CYP4X1: variants seen among roughly 807,000 people sequenced by gnomAD.
CYP4X1 encodes the protein cytochrome P450 4X1.
CYP4X1 carries 44 observed loss-of-function variants against 57.9 expected under a neutral mutation model. The ratio of observed to expected loss-of-function variants is 0.76; its 90% CI spans 0.60 to 0.98. CYP4X1 has a LOEUF of 0.98. Ranked by LOEUF, CYP4X1 falls within the 50% of genes least tolerant of loss-of-function variation. The pLI is 0.00. For missense variants in CYP4X1, 532 were observed against 623.9 expected, an observed-to-expected ratio of 0.85 and a Z score of 1.57; for synonymous variants, 227 against 228.6, an observed-to-expected ratio of 0.99 and a Z score of 0.06.
At chr1:47,039,059 A>G (rs1422990987) in intron 7 of CYP4X1, among the ~76,000 whole-genome samples, 2 of 152,096 alleles carry the variant, frequency 1.3e-5, no homozygotes, top group African/African-American at 4.8e-5. Context: ...ATAAACGTAA[A>G]AATTATGATG....
chr1:47,007,749 G>T, the CYP4X1 span, among the ~76,000 whole-genome samples: 1 of 152,184 alleles, frequency 6.6e-6, no homozygotes, highest in African/African-American at 2.4e-5. Flanking sequence ...TGACGGAGCC[G>T]AAAACCATGG....
chr1:47,045,981 C>T (rs1027839719), intron 8 of CYP4X1, among the ~76,000 whole-genome samples: 1 of 152,186 alleles, frequency 6.6e-6, no homozygotes, highest in South Asian at 2.1e-4. Flanking sequence ...GTCCTGTACT[C>T]CCCAAACTCC....
the CYP4X1 span, among the ~76,000 whole-genome samples, chr1:46,964,907 G>A: frequency 3.9e-5 from 6 of 152,282 alleles, no homozygotes; most frequent in South Asian, 2.1e-4. Context: ...CTTCCCGGCC[G>A]CTTTGTTTAC....
upstream of CYP4X1, among the ~76,000 whole-genome samples, chr1:47,022,671 G>C (rs991397501): frequency 7.9e-5 from 12 of 152,162 alleles, no homozygotes; most frequent in African/African-American, 2.9e-4. Flanking sequence ...AATTGGGGGC[G>C]GAAGGGCGGG....
chr1:47,035,276 C>T (rs1178807633), intron 4 of CYP4X1, among the ~76,000 whole-genome samples: 1 of 152,070 alleles, frequency 6.6e-6, no homozygotes, highest in African/African-American at 2.4e-5. Flanking sequence ...GAAGTTAAGC[C>T]AGGTCAGGCT....
chr1:47,035,320 C>T (rs894934561), intron 4 of CYP4X1, among the ~76,000 whole-genome samples: 10 of 152,036 alleles, frequency 6.6e-5, no homozygotes, highest in African/African-American at 2.4e-4. Flanking sequence ...CAGCTCCTCT[C>T]CACACTTGCT....
At chr1:46,992,279 A>G in the CYP4X1 span, among the ~76,000 whole-genome samples, 3 of 152,256 alleles carry the variant, frequency 2.0e-5, no homozygotes, top group Non-Finnish European at 4.4e-5. Context: ...TAGACACTTT[A>G]ACCAATTTAA....
the CYP4X1 span, among the ~76,000 whole-genome samples, chr1:46,963,838 T>A: frequency 2.0e-5 from 3 of 152,244 alleles, no homozygotes. Flanking sequence ...CTGAAGAGTG[T>A]TTTCCAACTT....
the CYP4X1 span, among the ~76,000 whole-genome samples, chr1:46,966,757 T>C: frequency 6.6e-6 from 1 of 152,208 alleles, no homozygotes. Flanking sequence ...ATTAGATATA[T>C]TAATAATAGT....
intron 1 of CYP4X1, among the ~76,000 whole-genome samples, chr1:47,029,240 A>G (rs1398544621): frequency 6.6e-6 from 1 of 152,222 alleles, no homozygotes. Flanking sequence ...CCTCCACTTT[A>G]CACAAGAAGC....
chr1:47,004,522 A>G, the CYP4X1 span, among the ~76,000 whole-genome samples: 1 of 152,244 alleles, frequency 6.6e-6, no homozygotes, highest in East Asian at 1.9e-4. Context: ...GGCCATGGCC[A>G]GTGAAATTAA....
chr1:47,024,058 C>A, intron 1 of CYP4X1, 64 bp downstream of exon 1: 1 of 1,527,038 alleles, frequency 6.5e-7, no homozygotes, highest in Non-Finnish European at 8.8e-7. Context: ...GCAGAGGAGC[C>A]CAGCCGGCAG....
At chr1:46,991,025 G>A in the CYP4X1 span, among the ~76,000 whole-genome samples, 1 of 149,994 alleles carries the variant, frequency 6.7e-6, no homozygotes, top group Non-Finnish European at 1.5e-5. Flanking sequence ...TTCTGCACAT[G>A]TATCCCAGAA....
chr1:47,023,379 T>TC (rs1397379796), upstream of CYP4X1, among the ~76,000 whole-genome samples: 1 of 151,934 alleles, frequency 6.6e-6, no homozygotes, highest in Non-Finnish European at 1.5e-5. Flanking sequence ...ATGGTACACC[T>TC]CCCCCTACCT....
chr1:47,026,640 C>T (rs899025050), intron 1 of CYP4X1, among the ~76,000 whole-genome samples: 42 of 152,084 alleles, frequency 2.8e-4, no homozygotes, highest in Admixed American at 3.3e-4. Context: ...TTATTGCCAT[C>T]TTAAGAATAT....
chr1:46,976,526 G>A, the CYP4X1 span, among the ~76,000 whole-genome samples: 5 of 152,160 alleles, frequency 3.3e-5, no homozygotes, highest in South Asian at 2.1e-4. Flanking sequence ...GCATGGCATC[G>A]CTGAACAAAA....
At chr1:46,997,532 T>A in the CYP4X1 span, among the ~76,000 whole-genome samples, 1 of 152,360 alleles carries the variant, frequency 6.6e-6, no homozygotes, top group East Asian at 1.9e-4. Context: ...TCCAGCTGCA[T>A]CCATTTTGCT....
chr1:46,995,021 C>A, the CYP4X1 span, among the ~76,000 whole-genome samples: 2 of 152,102 alleles, frequency 1.3e-5, no homozygotes, highest in Admixed American at 6.5e-5. Flanking sequence ...TCCAATACTC[C>A]CTGTCCCAGG....
chr1:46,972,034 T>C, the CYP4X1 span, among the ~76,000 whole-genome samples: 5 of 152,194 alleles, frequency 3.3e-5, no homozygotes, highest in Non-Finnish European at 5.9e-5. Context: ...AATGGTATTA[T>C]ATTCTAGGTT....
Sources: gnomAD v4.1 joint callset for allele counts (sites outside exome capture counted in the v4.1 genomes callset) on GRCh38, gnomAD v4.1.1 for gene constraint, MANE v1.5 for transcripts, NCBI Gene and HGNC (gene_info 2026-07-23, HGNC 2026-07-21) for gene names.